GTF3C1: variants seen among roughly 807,000 people sequenced by gnomAD.
GTF3C1 encodes the protein general transcription factor IIIC subunit 1, also known as general transcription factor 3C polypeptide 1.
GTF3C1 carries 57 observed loss-of-function variants against 226.7 expected under a neutral mutation model. That is an observed-to-expected ratio of 0.25 (90% CI 0.20 to 0.31). GTF3C1 has a LOEUF of 0.31. Among genes scored for constraint, GTF3C1 ranks in the 10% least tolerant of loss-of-function variants. The pLI is 1.00. For missense variants in GTF3C1, 2,217 were observed against 2,776.1 expected (o/e 0.80, Z 4.53); for synonymous variants, 1,090 against 1,084.8 (o/e 1.00, Z -0.09).
At chr16:27,515,860 C>T (rs2088650739) in intron 6 of GTF3C1, among the ~76,000 whole-genome samples, 1 of 152,234 alleles carries the variant, frequency 6.6e-6, no homozygotes, top group Non-Finnish European at 1.5e-5. Context: ...GGGAGCCAGG[C>T]ACCATGCCAA....
chr16:27,502,099 A>T (rs1158800609), intron 11 of GTF3C1, among the ~76,000 whole-genome samples: 1 of 151,904 alleles, frequency 6.6e-6, no homozygotes, highest in African/African-American at 2.4e-5. Flanking sequence ...ATCTCAAAAA[A>T]AAAAAAAGAA....
intron 34 of GTF3C1, 61 bp downstream of exon 34, chr16:27,464,259 G>C (rs2087748044): frequency 8.8e-7 from 1 of 1,135,134 alleles, no homozygotes; most frequent in Non-Finnish European, 1.2e-6. Context: ...GGCCCATCAG[G>C]GCGGAGGGGA....
At chr16:27,490,369 AGGT>A (rs1486944218) in intron 19 of GTF3C1, among the ~76,000 whole-genome samples, 1 of 152,214 alleles carries the variant, frequency 6.6e-6, no homozygotes, top group Non-Finnish European at 1.5e-5. Flanking sequence ...AGGTGAGGGA[AGGT>A]TTGCAGACTC....
In GTF3C1 at chr16:27,522,564, G is replaced by A. The variant is rs569849560; in HGVS notation, c.973+6034C>T. On this transcript the variant is annotated intron_variant, in intron 6 of 36. Transcript: ENST00000356183. ...TTCTCCTACTTTGTTCTTCTTTTTCGGGATTGTTTTAGCTCTCTGGGTCCC... is the reference window on the plus strand; with the variant it reads ...TTCTCCTACTTTGTTCTTCTTTTTCAGGATTGTTTTAGCTCTCTGGGTCCC... Among the ~76,000 whole-genome samples, 20 of 152,238 alleles carry A rather than the reference G, an allele frequency of 1.3e-4. No individual in the cohort carries two copies. In the South Asian group the frequency reaches 2.5e-3, roughly 19 times the overall value.
intron 32 of GTF3C1, among the ~76,000 whole-genome samples, chr16:27,468,496 A>C (rs2087817061): frequency 6.6e-6 from 1 of 151,922 alleles, no homozygotes; most frequent in Non-Finnish European, 1.5e-5. Context: ...CCTATAGTCC[A>C]AGCTACTTAG....
intron 33 of GTF3C1, among the ~76,000 whole-genome samples, 171 bp from the exon 34 acceptor site, chr16:27,465,007 G>A (rs1329102931): frequency 2.0e-5 from 3 of 152,222 alleles, no homozygotes; most frequent in African/African-American, 7.2e-5. Context: ...TGCTAGCCCT[G>A]TGCCCTGGAG....
At chr16:27,481,772 T>C (rs1297214478) in intron 26 of GTF3C1, among the ~76,000 whole-genome samples, 1 of 152,204 alleles carries the variant, frequency 6.6e-6, no homozygotes, top group Non-Finnish European at 1.5e-5. Context: ...CTGCTGCATC[T>C]GGCTGCTGTG....
chr16:27,468,613 T>C (rs1232704592), intron 32 of GTF3C1, among the ~76,000 whole-genome samples: 6 of 151,704 alleles, frequency 4.0e-5, no homozygotes, highest in African/African-American at 2.4e-5. Flanking sequence ...CCCTAAAAAA[T>C]AGGCTTGGTG....
At position 27,520,821 on chromosome 16, in the gene GTF3C1, C is replaced by T. The variant is rs185194454; in HGVS notation, c.973+7777G>A. Among the ~76,000 whole-genome samples, 331 of 152,014 alleles carry T rather than the reference C, an allele frequency of 2.2e-3. 3 individuals carry two copies. The highest frequency in any genetic ancestry group is 6.8e-3 in the African/African-American group (281 of 41,464). ...TGCAACCTCCGCCTCCCAGTTCAAG[C>T]GATTCTCCTGCCTCAGCCTCCCAAG... On this transcript the variant is annotated intron_variant, in intron 6 of 36. Transcript: ENST00000356183.
chr16:27,509,583 C>T (rs1298470504), intron 7 of GTF3C1, among the ~76,000 whole-genome samples: 1 of 151,558 alleles, frequency 6.6e-6, no homozygotes, highest in Non-Finnish European at 1.5e-5. Flanking sequence ...CAGTGAAACC[C>T]CATCTCTACT....
chr16:27,480,956 G>C, intron 27 of GTF3C1, 123 bp downstream of exon 27: 1 of 743,660 alleles, frequency 1.3e-6, no homozygotes, highest in East Asian at 2.6e-5. Flanking sequence ...GAGGGCCACT[G>C]CAAGGCCAAA....
rs547553167 is a variant in GTF3C1 at position 27,470,897 on chromosome 16, T to C, written c.4527-502A>G. 1.3e-5 allele frequency among the ~76,000 whole-genome samples: 2 copies of C among 152,232 alleles called. No homozygotes were observed. Among genetic ancestry groups the C allele is most frequent in the Non-Finnish European group, 2.9e-5 (2 of 68,036 alleles). On this transcript the variant is annotated intron_variant, in intron 30 of 36. Transcript: ENST00000356183. The surrounding 1 kb of genome is among the most constrained non-coding windows in gnomAD (Gnocchi z 4.9). ...GAGGGAGGGACCAAAAAGGCCTTCC[T>C]TGTCTGTGACCACTGCCCTCGGTTC...
chr16:27,535,516 A>AG (rs1167999828), intron 4 of GTF3C1, among the ~76,000 whole-genome samples: 1 of 151,512 alleles, frequency 6.6e-6, no homozygotes, highest in Non-Finnish European at 1.5e-5. Context: ...CAAAGGTTGC[A>AG]GTGAGCCGAG....
At position 27,507,206 on chromosome 16, in the gene GTF3C1, C is replaced by T. The variant is rs201584491; in HGVS notation, c.1243-50G>A. The T allele has an allele frequency of 2.3e-4, 309 of 1,355,548 alleles. No individual in the cohort carries two copies. The highest frequency in any genetic ancestry group is 9.8e-5 in the Non-Finnish European group (96 of 977,640). The allele number at this position is 1,355,548 out of a possible 1,614,324, so 84.0% of individuals were successfully genotyped here. ...CCCACTGCAAAGAGGGCGTCATACCCACAGGGGTTCAGGTGGTCTGTGGCA... is the reference window on the plus strand; with the variant it reads ...CCCACTGCAAAGAGGGCGTCATACCTACAGGGGTTCAGGTGGTCTGTGGCA... On this transcript the variant is annotated intron_variant, in intron 8 of 36. Coordinates refer to ENST00000356183, the MANE Select transcript of GTF3C1 (RefSeq NM_001520.4). This position sits in a 1 kb window ranked among gnomAD's most constrained non-coding sequence, Gnocchi z 4.9.
rs765736525 is a variant in GTF3C1, at chr16:27,494,871, G to A, written c.2670C>T (p.Pro890=). 1 of 1,613,656 alleles carries A rather than the reference G, an allele frequency of 6.2e-7. No individual in the cohort carries two copies. The highest frequency in any genetic ancestry group is 2.2e-5 in the East Asian group (1 of 44,876). The part of the protein sequence containing the change: ...VDDASWMRYI[P]PIPVHRDFGF... ...CGAAGTCCCTGTGGACTGGGATTGG[G>A]GGGATGTAGCGCATCCACGAGGCAT... is the stretch of plus-strand genomic sequence containing the variant. Residue 890 remains proline, a synonymous_variant, in exon 16 of 37, where the codon CCC becomes CCT. Transcript: ENST00000356183.
intron 6 of GTF3C1, among the ~76,000 whole-genome samples, chr16:27,513,801 C>T (rs149026231): frequency 0.014 from 2,170 of 152,308 alleles, 18 homozygotes; most frequent in Non-Finnish European, 0.024. Context: ...ATCAGCACAT[C>T]GATGCACAGA....
intron 9 of GTF3C1, among the ~76,000 whole-genome samples, 200 bp from the exon 10 acceptor site, chr16:27,506,316 G>A (rs533049231): frequency 1.3e-5 from 2 of 152,176 alleles, no homozygotes; most frequent in Non-Finnish European, 2.9e-5. Flanking sequence ...GGCCAGTGCT[G>A]ATGTCTGGGC....
chr16:27,507,120 T>C lies in GTF3C1; in HGVS notation c.1279A>G (p.Lys427Glu). The C allele has an allele frequency of 6.2e-7, 1 of 1,611,194 alleles. No individual in the cohort carries two copies. The highest frequency in any genetic ancestry group is 2.2e-5 in the East Asian group (1 of 44,792). Residue 427 changes from lysine (K) to glutamate (E), a missense_variant, in exon 9 of 37, where the codon AAG becomes GAG. Physicochemically the swap from Lys to Glu is moderately conservative, Grantham distance 56. This residue lies in a region of GTF3C1 where 25 missense variants were observed against 71.9 expected (regional missense o/e 0.35). Transcript: ENST00000356183. The surrounding 1 kb of genome is among the most constrained non-coding windows in gnomAD (Gnocchi z 4.9). The part of the protein sequence containing the change: ...MEDEGRQRTT[K>E]YISCVFAEES... ...TCTGCAAACACGCAGGAAATGTACT[T>C]GGTGGTTCGCTGCCGACCTTCGTCT...
chr16:27,538,104 C>G, intron 3 of GTF3C1, 76 bp downstream of exon 3: 1 of 1,243,658 alleles, frequency 8.0e-7, no homozygotes, highest in Non-Finnish European at 1.1e-6. Context: ...GAAGATACCA[C>G]AGCAGGCCCC....
Sources: allele counts gnomAD v4.1 joint callset (sites outside exome capture counted in the v4.1 genomes callset), GRCh38; gene constraint gnomAD v4.1.1; regional missense constraint gnomAD v4.1.1; non-coding constraint Gnocchi (gnomAD v3.1); transcripts MANE v1.5; gene names NCBI Gene and HGNC (gene_info 2026-07-23, HGNC 2026-07-21).